Variants in AKAP13 observed in about 807,000 individuals in gnomAD.
The protein encoded by AKAP13 is A-kinase anchoring protein 13, also known as A-kinase anchor protein 13.
A neutral mutation model predicts 264.5 loss-of-function variants in AKAP13; 80 were observed. That is an observed-to-expected ratio of 0.30 (90% CI 0.25 to 0.36). The LOEUF is 0.36. AKAP13 is among the 10% of genes least tolerant of loss of function. The pLI is 1.00. For missense variants in AKAP13, 3,712 were observed against 3,435.2 expected (o/e 1.08, Z -2.01); for synonymous variants, 1,380 against 1,250.2 (o/e 1.10, Z -2.19).
intron 31 of AKAP13, 60 bp from the exon 32 acceptor site, chr15:85,735,500 T>G (rs1235486210): frequency 1.3e-6 from 2 of 1,548,976 alleles, no homozygotes; most frequent in East Asian, 2.2e-5. Flanking sequence ...TATGATATTC[T>G]TTCCTTGGCT....
intron 5 of AKAP13, among the ~76,000 whole-genome samples, chr15:85,554,980 A>G (rs1272321660): frequency 6.6e-6 from 1 of 151,916 alleles, no homozygotes. Context: ...TTTTCTTTGC[A>G]CTCTCCTTAT....
At chr15:85,695,087 C>G (rs1379679185) in intron 17 of AKAP13, among the ~76,000 whole-genome samples, 1 of 151,984 alleles carries the variant, frequency 6.6e-6, no homozygotes, top group Non-Finnish European at 1.5e-5. Context: ...CACCACTGTG[C>G]CTGGTAGAAA....
intron 8 of AKAP13, among the ~76,000 whole-genome samples, chr15:85,623,348 T>C (rs1464393655): frequency 6.6e-6 from 1 of 152,250 alleles, no homozygotes; most frequent in Admixed American, 6.5e-5. Flanking sequence ...AGGTGAAATA[T>C]GGCAGTAATT....
intron 15 of AKAP13, among the ~76,000 whole-genome samples, chr15:85,684,094 A>G (rs945568557): frequency 6.6e-5 from 10 of 152,188 alleles, no homozygotes; most frequent in African/African-American, 2.4e-4. Context: ...TGCAACTCCT[A>G]TTAACAAGTA....
chr15:85,432,071 T>C (rs576157307), intron 1 of AKAP13, among the ~76,000 whole-genome samples: 2 of 152,202 alleles, frequency 1.3e-5, no homozygotes, highest in South Asian at 4.2e-4. Context: ...GGGTGTTGAA[T>C]GTTACATACC....
chr15:85,581,192 C>G lies in AKAP13; in HGVS notation c.3124C>G (p.Leu1042Val). 1.2e-6 allele frequency: 2 copies of G among 1,613,800 alleles called. No individual in the cohort carries two copies. Among genetic ancestry groups the G allele is most frequent in the Non-Finnish European group, 1.7e-6 (2 of 1,179,796 alleles). Residue 1042 changes from leucine (L) to valine (V), a missense_variant, in exon 7 of 37, where the codon CTG becomes GTG. Physicochemically the swap from Leu to Val is conservative, Grantham distance 32. Coordinates refer to ENST00000394518, the MANE Select transcript of AKAP13 (RefSeq NM_007200.5). ...ALGAEHNSSALLPCLLPDGSD... is the reference protein window; with the variant it reads ...ALGAEHNSSAVLPCLLPDGSD... ...GGGGGCAGAGCACAACAGCTCCGCT[C>G]TGTTGCCATGTCTGTTGCCAGATGG...
chr15:85,550,951 C>G (rs2077941435), intron 5 of AKAP13, among the ~76,000 whole-genome samples: 1 of 152,170 alleles, frequency 6.6e-6, no homozygotes. Flanking sequence ...TACCTTGGTG[C>G]TTTACTTGCG....
rs1160050565 is a variant in AKAP13, at chr15:85,458,386, G to GTTTTTTTTTTT, written c.-11-27318_-11-27317insTTTTTTTTTTT. 2.0e-4 allele frequency among the ~76,000 whole-genome samples: 21 copies of GTTTTTTTTTTT among 103,918 alleles called. 2 individuals carry two copies. Among genetic ancestry groups the GTTTTTTTTTTT allele is most frequent in the African/African-American group, 1.0e-3 (20 of 19,520 alleles). The allele number at this position is 103,918 out of a possible 152,430, so 68.2% of individuals were successfully genotyped here. On this transcript the variant is annotated intron_variant, in intron 1 of 36. Coordinates refer to ENST00000394518, the MANE Select transcript of AKAP13 (RefSeq NM_007200.5). ...TTTTTTCTCTTTTTTTGTATTTTTT[G>GTTTTTTTTTTT]TTTTTTGTTTTTTTTTTTTTTTACT...
intron 3 of AKAP13, among the ~76,000 whole-genome samples, chr15:85,528,948 C>T (rs766109549): frequency 4.6e-5 from 7 of 152,018 alleles, no homozygotes; most frequent in African/African-American, 7.2e-5. Flanking sequence ...TTTTATTTTC[C>T]TTTCTTGTTA....
At position 85,529,159 on chromosome 15, in the gene AKAP13, A is replaced by G. The variant is rs559571176; in HGVS notation, c.182-4425A>G. Among the ~76,000 whole-genome samples the G allele has an allele frequency of 2.6e-5, 4 of 152,270 alleles. No homozygotes were observed. The South Asian group carries it at 8.3e-4, about 32-fold the overall frequency. On this transcript the variant is annotated intron_variant, in intron 3 of 36. Transcript: ENST00000394518. ...CCCTGCAGTTGGCCAGGCACGGTGT[A>G]AGGTGTAATCCCAGCATTTTGGGAG...
chr15:85,666,662 C>T (rs1274117405), intron 13 of AKAP13, among the ~76,000 whole-genome samples: 1 of 152,230 alleles, frequency 6.6e-6, no homozygotes, highest in African/African-American at 2.4e-5. Context: ...GATCCTTCTG[C>T]CTCAGTCTCC....
intron 2 of AKAP13, among the ~76,000 whole-genome samples, chr15:85,496,483 T>A (rs954292510): frequency 2.6e-5 from 4 of 152,312 alleles, no homozygotes; most frequent in South Asian, 4.1e-4. Context: ...GTTAAAAAAA[T>A]TTATTCCTGA....
At chr15:85,409,977 T>C (rs2150867035) in intron 1 of AKAP13, among the ~76,000 whole-genome samples, 1 of 151,642 alleles carries the variant, frequency 6.6e-6, no homozygotes, top group East Asian at 1.9e-4. Flanking sequence ...ATAAGGGAGG[T>C]TGTTGCTTTT....
intron 16 of AKAP13, among the ~76,000 whole-genome samples, chr15:85,686,798 T>C (rs49363): frequency 0.61 from 93,431 of 152,052 alleles, 28,795 homozygotes; most frequent in Middle Eastern, 0.71. Context: ...TATTAAATGC[T>C]TTGTATAGTC....
At chr15:85,722,862 T>C (rs2087378677) in intron 25 of AKAP13, among the ~76,000 whole-genome samples, 1 of 152,200 alleles carries the variant, frequency 6.6e-6, no homozygotes, top group Admixed American at 6.5e-5. Flanking sequence ...TGATTGCATA[T>C]TATTTATATC....
intron 5 of AKAP13, among the ~76,000 whole-genome samples, chr15:85,547,788 G>A (rs2077808241): frequency 1.3e-5 from 2 of 152,156 alleles, no homozygotes; most frequent in South Asian, 4.1e-4. Flanking sequence ...TGACATATAT[G>A]TTATCTCTTA....
chr15:85,658,104 A>G (rs184405321), intron 11 of AKAP13, among the ~76,000 whole-genome samples: 4 of 152,260 alleles, frequency 2.6e-5, no homozygotes, highest in Admixed American at 2.6e-4. Flanking sequence ...ATTTACTGCT[A>G]GGGCTTACCT....
intron 16 of AKAP13, 74 bp from the exon 17 acceptor site, chr15:85,693,203 C>T (rs1195024795): frequency 2.8e-6 from 4 of 1,441,508 alleles, no homozygotes; most frequent in African/African-American, 2.9e-5. Flanking sequence ...AACCACATGC[C>T]ATCTGGGTGC....
intron 8 of AKAP13, among the ~76,000 whole-genome samples, chr15:85,630,262 C>CACACACACACACACAAAT (rs2081690801): frequency 6.6e-6 from 1 of 150,670 alleles, no homozygotes; most frequent in Non-Finnish European, 1.5e-5. Flanking sequence ...CACACACACA[C>CACACACACACACACAAAT]ACACAAACAC....
Sources: allele counts gnomAD v4.1 joint callset (sites outside exome capture counted in the v4.1 genomes callset), GRCh38; gene constraint gnomAD v4.1.1; transcripts MANE v1.5; gene names NCBI Gene and HGNC (gene_info 2026-07-23, HGNC 2026-07-21).